Variants in DMD observed in about 807,000 individuals in gnomAD.
DMD encodes dystrophin.
A neutral mutation model predicts 330.1 loss-of-function variants in DMD; 63 were observed. The ratio of observed to expected loss-of-function variants is 0.19; its 90% CI spans 0.16 to 0.24. The LOEUF (loss-of-function observed/expected upper bound fraction) is 0.24. Among genes scored for constraint, DMD ranks in the 10% least tolerant of loss-of-function variants. The pLI is 1.00. For synonymous variants in DMD, 1,223 were observed against 959.8 expected, an observed-to-expected ratio of 1.27 and a Z score of -5.07; for missense variants, 3,344 against 2,684.1, an observed-to-expected ratio of 1.25 and a Z score of -5.43.
At chrX:32,735,089 A>T (rs371069044) in intron 7 of DMD, among the ~76,000 whole-genome samples, 1 of 110,002 alleles carries the variant, frequency 9.1e-6, no homozygotes, top group Non-Finnish European at 1.9e-5. Flanking sequence ...AAATCAATGT[A>T]CAAAAATCAC....
rs775537081 is a variant in DMD, at chrX:31,803,825, G to A, written c.7309+16150C>T. On this transcript the variant is annotated intron_variant, in intron 50 of 78. Transcript: ENST00000357033. ...AGCGATTCTCCTGCCTCAGCCTCCC[G>A]AGTAGCTGGGATTACAGGCATGCGC... Among the ~76,000 whole-genome samples, 32 of 110,237 alleles carry A rather than the reference G, an allele frequency of 2.9e-4. No homozygotes were observed. In the South Asian group the frequency reaches 0.011, roughly 36 times the overall value.
rs150229215 is a variant in DMD, at chrX:33,180,426, C to T, written c.31+30856G>A. Among the ~76,000 whole-genome samples the T allele has an allele frequency of 3.4e-3, 383 of 111,713 alleles. 1 individual carries two copies. The highest frequency in any genetic ancestry group is 0.011 in the African/African-American group (349 of 30,739). On this transcript the variant is annotated intron_variant, in intron 1 of 78. Coordinates refer to ENST00000357033, the MANE Select transcript of DMD (RefSeq NM_004006.3). ...CTTGTATACTTTTGAGGGTTACTCACACACACGCGCACACACACATGCACA... is the reference window on the plus strand; with the variant it reads ...CTTGTATACTTTTGAGGGTTACTCATACACACGCGCACACACACATGCACA...
chrX:31,804,897 A>G (rs1210229053), intron 50 of DMD, among the ~76,000 whole-genome samples: 1 of 105,278 alleles, frequency 9.5e-6, no homozygotes, highest in Non-Finnish European at 1.9e-5. Flanking sequence ...AATACTCCAG[A>G]CTGGGTGAGG....
At chrX:31,765,343 C>T (rs1392634392) in intron 51 of DMD, among the ~76,000 whole-genome samples, 1 of 111,298 alleles carries the variant, frequency 9.0e-6, no homozygotes, top group African/African-American at 3.3e-5. Flanking sequence ...GCCATGACTG[C>T]CCTATCTTTT....
chrX:31,917,444 A>G (rs1378576140), intron 47 of DMD, among the ~76,000 whole-genome samples: 1 of 112,419 alleles, frequency 8.9e-6, no homozygotes, highest in Non-Finnish European at 1.9e-5. Flanking sequence ...CATCCACTTT[A>G]GAAAGATTAA....
intron 30 of DMD, among the ~76,000 whole-genome samples, chrX:32,399,667 G>C (rs1375857479): frequency 1.8e-5 from 2 of 111,225 alleles, no homozygotes; most frequent in African/African-American, 6.5e-5. Flanking sequence ...TGGAAAACAA[G>C]TTTTGAGATT....
chrX:32,587,334 G>A (rs989651207), intron 13 of DMD, among the ~76,000 whole-genome samples: 1 of 111,443 alleles, frequency 9.0e-6, no homozygotes, highest in African/African-American at 3.3e-5. Flanking sequence ...AACTATTAAC[G>A]ACACTAACAG....
chrX:32,379,587 T>C (rs1603632097), intron 34 of DMD, among the ~76,000 whole-genome samples: 1 of 111,701 alleles, frequency 9.0e-6, no homozygotes, highest in African/African-American at 3.2e-5. Context: ...TTCCCTACTA[T>C]TTATTTGGAA....
At chrX:32,431,852 C>A (rs2098239590) in intron 29 of DMD, among the ~76,000 whole-genome samples, 1 of 111,007 alleles carries the variant, frequency 9.0e-6, no homozygotes, top group Non-Finnish European at 1.9e-5. Flanking sequence ...TTCATGAGGG[C>A]TTTTCTTGTG....
chrX:32,206,087 C>G lies in DMD; in HGVS notation c.6438+10829G>C, dbSNP rs776207945. On this transcript the variant is annotated intron_variant, in intron 44 of 78. Transcript: ENST00000357033. ...TTGTTGAAGCAGAGGCAATGAGTTA[C>G]AAAGGCAGTCCAATTAAAGTAACAC... 6.8e-4 allele frequency: 352 copies of G among 516,666 alleles called. 1 individual carries two copies. The highest frequency in any genetic ancestry group is 8.3e-4 in the Non-Finnish European group (237 of 283,938). 42.6% of individuals were successfully genotyped at this position (516,666 alleles called of 1,213,427 possible).
chrX:31,345,852 C>T (rs912150669), intron 61 of DMD, among the ~76,000 whole-genome samples: 2 of 111,600 alleles, frequency 1.8e-5, no homozygotes, highest in Non-Finnish European at 3.8e-5. Flanking sequence ...AGACCACATG[C>T]GGATAATAAA....
At chrX:32,646,283 A>C (rs187811519) in intron 9 of DMD, among the ~76,000 whole-genome samples, 43 of 111,509 alleles carry the variant, frequency 3.9e-4, no homozygotes, top group Non-Finnish European at 7.5e-4. Context: ...GTAAACTACT[A>C]AGTTTGCAGG....
chrX:31,476,406 T>C (rs2067770815), intron 59 of DMD, among the ~76,000 whole-genome samples: 1 of 98,670 alleles, frequency 1.0e-5, no homozygotes, highest in Admixed American at 1.1e-4. Flanking sequence ...TGTATATATA[T>C]ATATATATAT....
intron 1 of DMD, among the ~76,000 whole-genome samples, chrX:33,259,156 T>A (rs1400210434): frequency 2.7e-5 from 3 of 111,053 alleles, no homozygotes; most frequent in Non-Finnish European, 3.8e-5. Context: ...AATGTTTTTT[T>A]AAAAATAGAC....
intron 7 of DMD, among the ~76,000 whole-genome samples, chrX:32,701,746 G>A (rs1380315003): frequency 3.6e-5 from 4 of 111,470 alleles, no homozygotes; most frequent in African/African-American, 1.3e-4. Flanking sequence ...ATGCATGTAT[G>A]TTTGGTCTCA....
intron 13 of DMD, among the ~76,000 whole-genome samples, chrX:32,578,704 G>A (rs183439407): frequency 2.7e-4 from 30 of 111,561 alleles, no homozygotes; most frequent in African/African-American, 9.5e-4. Flanking sequence ...CTGGAGCCAG[G>A]GATAGAATAT....
At chrX:31,731,100 T>C (rs1387752833) in intron 51 of DMD, among the ~76,000 whole-genome samples, 2 of 111,903 alleles carry the variant, frequency 1.8e-5, no homozygotes, top group Non-Finnish European at 3.8e-5. Context: ...ACATCTACTT[T>C]AGGCACTTTC....
chrX:32,613,734 T>A (rs182063381), intron 12 of DMD, among the ~76,000 whole-genome samples: 6,063 of 110,976 alleles, frequency 0.055, 401 homozygotes, highest in African/African-American at 0.19. Context: ...TGCGTTGTTC[T>A]CATCCACAAA....
intron 2 of DMD, among the ~76,000 whole-genome samples, chrX:32,972,065 T>G (rs1410276304): frequency 8.9e-6 from 1 of 112,131 alleles, no homozygotes; most frequent in East Asian, 2.8e-4. Flanking sequence ...GAATTACAGT[T>G]TGCTACAGAT....
Sources: gnomAD v4.1 joint callset for allele counts (sites outside exome capture counted in the v4.1 genomes callset) on GRCh38, gnomAD v4.1.1 for gene constraint, MANE v1.5 for transcripts, NCBI Gene and HGNC (gene_info 2026-07-23, HGNC 2026-07-21) for gene names.